EFR3A: variants seen among roughly 807,000 people sequenced by gnomAD.
The protein encoded by EFR3A is EFR3 homolog A.
A neutral mutation model predicts 104.4 loss-of-function variants in EFR3A; 76 were observed. That is an observed-to-expected ratio of 0.73 (90% CI 0.60 to 0.88). The LOEUF (loss-of-function observed/expected upper bound fraction) is 0.88. Among genes scored for constraint, EFR3A ranks in the 40% least tolerant of loss-of-function variants. The pLI, the probability that EFR3A is intolerant of heterozygous loss-of-function variation, is 0.00. For missense variants in EFR3A, 985 were observed against 1,012.5 expected, an observed-to-expected ratio of 0.97 and a Z score of 0.37; for synonymous variants, 330 against 330.0, an observed-to-expected ratio of 1.00 and a Z score of 0.00.
intron 4 of EFR3A, among the ~76,000 whole-genome samples, chr8:131,948,642 C>T (rs886610632): frequency 1.3e-5 from 2 of 152,054 alleles, no homozygotes; most frequent in Non-Finnish European, 2.9e-5. Context: ...TTTTAGTATA[C>T]ATTTCCGGAA....
At chr8:131,919,593 CT>C (rs1816902977) in intron 1 of EFR3A, among the ~76,000 whole-genome samples, 1 of 117,734 alleles carries the variant, frequency 8.5e-6, no homozygotes, top group African/African-American at 3.4e-5. Context: ...AAGACTCCGT[CT>C]CAAAAAAAAA....
intron 22 of EFR3A, 44 bp downstream of exon 22, chr8:132,003,329 A>G: frequency 6.5e-7 from 1 of 1,537,332 alleles, no homozygotes; most frequent in South Asian, 1.2e-5. Context: ...ACACACACGA[A>G]TAGAAACTGA....
chr8:131,906,413 C>G (rs542893076), intron 1 of EFR3A, among the ~76,000 whole-genome samples: 1 of 152,148 alleles, frequency 6.6e-6, no homozygotes, highest in Non-Finnish European at 1.5e-5. Flanking sequence ...GCCAGTTAAT[C>G]CGTACGAGTT....
intron 22 of EFR3A, among the ~76,000 whole-genome samples, chr8:132,004,313 C>T (rs1306063365): frequency 6.6e-6 from 1 of 152,240 alleles, no homozygotes; most frequent in East Asian, 1.9e-4. Context: ...GGCTCCACAG[C>T]AGGAGGTGAG....
chr8:131,995,482 A>G (rs573414091), intron 18 of EFR3A, among the ~76,000 whole-genome samples: 8 of 152,312 alleles, frequency 5.3e-5, no homozygotes, highest in African/African-American at 1.7e-4. Context: ...ATCACTTCCT[A>G]GATTTGTTGA....
chr8:131,942,160 C>T (rs999268572), intron 2 of EFR3A, among the ~76,000 whole-genome samples: 2 of 151,782 alleles, frequency 1.3e-5, no homozygotes, highest in Non-Finnish European at 2.9e-5. Flanking sequence ...ATTGAAATGA[C>T]CATAGGTAAA....
intron 22 of EFR3A, among the ~76,000 whole-genome samples, chr8:132,005,869 C>T (rs1822018014): frequency 6.6e-6 from 1 of 151,976 alleles, no homozygotes; most frequent in African/African-American, 2.4e-5. Flanking sequence ...GGGACTATAG[C>T]AAGTGTAAGT....
chr8:131,914,947 A>C (rs963409004), intron 1 of EFR3A, among the ~76,000 whole-genome samples: 1 of 152,156 alleles, frequency 6.6e-6, no homozygotes, highest in Non-Finnish European at 1.5e-5. Flanking sequence ...TAAGGATGAT[A>C]GCCTCCAGCT....
At chr8:131,932,754 T>C (rs1304933666) in intron 1 of EFR3A, among the ~76,000 whole-genome samples, 1 of 152,228 alleles carries the variant, frequency 6.6e-6, no homozygotes, top group African/African-American at 2.4e-5. Flanking sequence ...CCTACAAATA[T>C]AGGGAAACAC....
intron 22 of EFR3A, among the ~76,000 whole-genome samples, chr8:132,008,313 C>A (rs77294196): frequency 0.37 from 56,747 of 151,678 alleles, 10,902 homozygotes; most frequent in East Asian, 0.61. Context: ...TAAAATCATT[C>A]GTTAACAAGG....
At chr8:131,958,585 G>A (rs527744221) in intron 7 of EFR3A, among the ~76,000 whole-genome samples, 37 of 39,136 alleles carry the variant, frequency 9.5e-4, no homozygotes, top group African/African-American at 4.7e-3. Flanking sequence ...AGGGATTTCA[G>A]GTCTTTTTTT....
intron 14 of EFR3A, among the ~76,000 whole-genome samples, chr8:131,981,306 G>T (rs1156578966): frequency 2.0e-5 from 3 of 151,882 alleles, no homozygotes; most frequent in Admixed American, 6.6e-5. Flanking sequence ...TAATTTAACG[G>T]CAAGATTAGA....
chr8:131,961,045 A>G (rs553292261), intron 8 of EFR3A, among the ~76,000 whole-genome samples: 9 of 152,332 alleles, frequency 5.9e-5, no homozygotes, highest in African/African-American at 9.6e-5. Context: ...GGACATCCAC[A>G]CCAAAACCCC....
intron 8 of EFR3A, among the ~76,000 whole-genome samples, chr8:131,961,719 A>G (rs1178100898): frequency 1.3e-5 from 2 of 152,172 alleles, no homozygotes; most frequent in Non-Finnish European, 2.9e-5. Flanking sequence ...TGCCACAAAG[A>G]TACTCCTCGA....
At position 131,979,519 on chromosome 8, in the gene EFR3A, A is replaced by G. The variant is rs1820496519; in HGVS notation, c.1575+98A>G. 3.4e-6 allele frequency: 3 copies of G among 895,352 alleles called. No homozygotes were observed. The Admixed American group carries it at 8.3e-5, about 25-fold the overall frequency. 55.5% of individuals were successfully genotyped at this position (895,352 alleles called of 1,614,324 possible). Reference sequence around the variant, plus strand: ...TGATCTGTGCCCTTGAAATTAAGCCATAGAATTTTGAATTTGAAAGACCTC... The same window carrying G: ...TGATCTGTGCCCTTGAAATTAAGCCGTAGAATTTTGAATTTGAAAGACCTC... On this transcript the variant is annotated intron_variant, in intron 14 of 22. Transcript: ENST00000254624.
chr8:131,940,699 C>T, intron 2 of EFR3A, 124 bp downstream of exon 2: 1 of 1,393,886 alleles, frequency 7.2e-7, no homozygotes, highest in Non-Finnish European at 9.4e-7. Context: ...ATTTATACTA[C>T]TTTTTTTATA....
At chr8:131,905,361 G>C (rs1305592659) in intron 1 of EFR3A, among the ~76,000 whole-genome samples, 1 of 152,146 alleles carries the variant, frequency 6.6e-6, no homozygotes, top group Non-Finnish European at 1.5e-5. Context: ...TCGTCTAGTG[G>C]TGGGAAAAGA....
In EFR3A at chr8:131,904,330, G is replaced by A; in HGVS notation, c.10+8G>A. The A allele has an allele frequency of 4.8e-6, 6 of 1,253,348 alleles. No homozygotes were observed. Among genetic ancestry groups the A allele is most frequent in the Non-Finnish European group, 6.0e-6 (6 of 997,902 alleles). 77.6% of individuals were successfully genotyped at this position (1,253,348 alleles called of 1,614,324 possible). A position where few individuals can be genotyped will look rare whatever the true frequency, so the allele number is the denominator to read the frequency against. ...AGATCGCCATGCCTACCCGTGAGTG[G>A]CCGGCCGAGGGCCGGGGGCGTTGGG... On this transcript the variant is annotated splice_region_variant and intron_variant, in intron 1 of 22. Coordinates refer to ENST00000254624, the MANE Select transcript of EFR3A (RefSeq NM_015137.6).
intron 14 of EFR3A, among the ~76,000 whole-genome samples, chr8:131,980,228 A>G (rs1820537151): frequency 1.3e-5 from 2 of 152,028 alleles, no homozygotes; most frequent in Admixed American, 1.3e-4. Context: ...TTACTAGACC[A>G]TGCTTTCTCC....
Sources: gnomAD v4.1 joint callset for allele counts (sites outside exome capture counted in the v4.1 genomes callset) on GRCh38, gnomAD v4.1.1 for gene constraint, MANE v1.5 for transcripts, NCBI Gene and HGNC (gene_info 2026-07-23, HGNC 2026-07-21) for gene names.